IDUA: variants seen among roughly 807,000 people sequenced by gnomAD.
IDUA encodes iduronidase alpha-L-.
IDUA carries 65 observed loss-of-function variants against 68.9 expected under a neutral mutation model. The observed-to-expected ratio is 0.94, with a 90% CI of 0.77 to 1.16. The LOEUF is 1.16. Among genes scored for constraint, IDUA ranks in the 50% most tolerant of loss-of-function variants. The pLI, the probability that IDUA is intolerant of heterozygous loss-of-function variation, is 0.00. For synonymous variants in IDUA, 529 were observed against 433.6 expected, an observed-to-expected ratio of 1.22 and a Z score of -2.73; for missense variants, 1,046 against 938.0, an observed-to-expected ratio of 1.12 and a Z score of -1.50.
intron 4 of IDUA, 103 bp downstream of exon 4, chr4:1,001,092 T>G: frequency 1.2e-6 from 1 of 817,350 alleles, no homozygotes; most frequent in Non-Finnish European, 2.1e-6. Flanking sequence ...GATACATTGG[T>G]GGGCAGGCGC....
At chr4:992,018 A>T in intron 2 of IDUA, 1 of 625,896 alleles carries the variant, frequency 1.6e-6, no homozygotes, top group Non-Finnish European at 3.0e-6. Flanking sequence ...GCGTGGCGGC[A>T]CCCTGTCCAG....
At chr4:1,001,170 G>T in intron 4 of IDUA, 181 bp downstream of exon 4, 1 of 630,354 alleles carries the variant, frequency 1.6e-6, no homozygotes, top group Non-Finnish European at 2.8e-6. Flanking sequence ...TGGGGCCCCA[G>T]GCTGGGGGGT....
rs957531360 is a variant in IDUA, at chr4:1,001,113, G to A, written c.493+124G>A. The A allele has an allele frequency of 6.1e-5, 44 of 723,364 alleles. 1 individual carries two copies. In the African/African-American group the frequency reaches 6.9e-4, roughly 11 times the overall value. 44.8% of individuals were successfully genotyped at this position (723,364 alleles called of 1,614,324 possible). ...TTGGTGGGCAGGCGCAGGCCCTTGT[G>A]GGGGGATGGGGGTGACAAGGGATAG... is the stretch of plus-strand genomic sequence containing the variant. On this transcript the variant is annotated intron_variant, in intron 4 of 13. Transcript: ENST00000514224.
At chr4:1,002,200 T>G (rs1437451362) in intron 7 of IDUA, 39 bp downstream of exon 7, 2 of 1,567,192 alleles carry the variant, frequency 1.3e-6, no homozygotes, top group Non-Finnish European at 1.7e-6. Flanking sequence ...CCCGGCCACC[T>G]TCCTCCCGAG....
rs546595104 is a variant in IDUA at position 990,085 on chromosome 4, C to T, written c.299+2136C>T. 19 of 1,598,578 alleles carry T rather than the reference C, an allele frequency of 1.2e-5. No homozygotes were observed. Among genetic ancestry groups the T allele is most frequent in the South Asian group, 3.4e-5 (3 of 88,760 alleles). On this transcript the variant is annotated intron_variant, in intron 2 of 13. Coordinates refer to ENST00000514224, the MANE Select transcript of IDUA (RefSeq NM_000203.5). ...GGGCAGCGGCACCCTCAGGCGGTGTCGGTAGCGGTCTGAGAGCTCCTTCGC... is the reference window on the plus strand; with the variant it reads ...GGGCAGCGGCACCCTCAGGCGGTGTTGGTAGCGGTCTGAGAGCTCCTTCGC...
chr4:996,576 C>T (rs1714755126), intron 2 of IDUA, among the ~76,000 whole-genome samples: 1 of 152,204 alleles, frequency 6.6e-6, no homozygotes, highest in Non-Finnish European at 1.5e-5. Context: ...AGTTCAGGAA[C>T]AGCCTCAGCC....
In IDUA at chr4:1,003,301, C is replaced by G. The variant is rs998853539; in HGVS notation, c.1525-44C>G. ...TCGCCCTGAGGTCGGGCCGAGCGTC[C>G]CCAGCTCCCCTGGAGAACCCTGAGG... is the stretch of plus-strand genomic sequence containing the variant. On this transcript the variant is annotated intron_variant, in intron 10 of 13. Coordinates refer to ENST00000514224, the MANE Select transcript of IDUA (RefSeq NM_000203.5). The G allele has an allele frequency of 7.8e-6, 11 of 1,401,728 alleles. No homozygotes were observed. The Admixed American group carries it at 1.0e-4, about 13-fold the overall frequency. The allele number at this position is 1,401,728 out of a possible 1,614,324, so 86.8% of individuals were successfully genotyped here. A position where few individuals can be genotyped will look rare whatever the true frequency, so the allele number is the denominator to read the frequency against.
chr4:988,049 C>T, intron 2 of IDUA, 100 bp downstream of exon 2: 5 of 1,478,282 alleles, frequency 3.4e-6, no homozygotes, highest in Admixed American at 2.1e-5. Context: ...TGTTCCCCCA[C>T]CTCCCGCCGA....
At chr4:999,021 G>C (rs758599321) in intron 2 of IDUA, among the ~76,000 whole-genome samples, 95 of 152,092 alleles carry the variant, frequency 6.2e-4, no homozygotes, top group Non-Finnish European at 1.2e-3. Context: ...TGGCTAACAT[G>C]GTGAAACTCC....
chr4:1,003,298 G>T, intron 10 of IDUA, 47 bp from the exon 11 acceptor site: 1 of 1,391,624 alleles, frequency 7.2e-7, no homozygotes. Flanking sequence ...CGGGCCGAGC[G>T]TCCCCAGCTC....
intron 2 of IDUA, among the ~76,000 whole-genome samples, chr4:995,710 G>A (rs1053447528): frequency 2.6e-5 from 4 of 152,250 alleles, no homozygotes; most frequent in Non-Finnish European, 4.4e-5. Context: ...ATGGGGCACA[G>A]CCCCGGAGGG....
intron 2 of IDUA, among the ~76,000 whole-genome samples, chr4:997,320 T>A (rs1577532206): frequency 3.4e-5 from 3 of 87,802 alleles, no homozygotes; most frequent in East Asian, 6.1e-4. Flanking sequence ...GGGCCCGGCC[T>A]CCGCCCCTGC....
intron 1 of IDUA, 101 bp downstream of exon 1, chr4:987,343 C>A (rs1713812766): frequency 2.6e-6 from 3 of 1,154,740 alleles, no homozygotes; most frequent in South Asian, 1.4e-5. Flanking sequence ...GAGCTCCCTC[C>A]TCTGGGGCCC....
rs748579220 is a variant in IDUA at position 1,004,069 on chromosome 4, C to T, written c.1785C>T (p.Val595=). 1.1e-5 allele frequency: 17 copies of T among 1,612,602 alleles called. No individual in the cohort carries two copies. Among genetic ancestry groups the T allele is most frequent in the Non-Finnish European group, 1.4e-5 (16 of 1,179,814 alleles). Residue 595 remains valine (V), a synonymous_variant, in exon 13 of 14, where the codon GTC becomes GTT. Transcript: ENST00000514224. The surrounding 1 kb of genome is among the most constrained non-coding windows in gnomAD (Gnocchi z 5.0). The stretch of plus-strand genomic sequence containing the variant: ...AGGACGGTAAGGCGTACACCCCGGT[C>T]AGCAGGAAGCCATCGACCTTCAACC... ...FSQDGKAYTP[V]SRKPSTFNLF...
Position 995,913 on chromosome 4 carries a change from G to T in IDUA, c.300-4699G>T, listed in dbSNP as rs554223330. ...GGAGACATCCTAAGTGTGAGATGTG[G>T]ACAGGGCTGAATGCTCCAGGGTCTC... On this transcript the variant is annotated intron_variant, in intron 2 of 13. Transcript: ENST00000514224. 3.4e-4 allele frequency among the ~76,000 whole-genome samples: 52 copies of T among 152,108 alleles called. 1 individual carries two copies. Among genetic ancestry groups the T allele is most frequent in the African/African-American group, 1.1e-3 (47 of 41,546 alleles).
chr4:995,429 C>G (rs1447158446), intron 2 of IDUA, among the ~76,000 whole-genome samples: 2 of 152,110 alleles, frequency 1.3e-5, no homozygotes, highest in Non-Finnish European at 2.9e-5. Context: ...GGAGCCTGCA[C>G]GGGGCACCTG....
chr4:992,499 T>C (rs1714442934), intron 2 of IDUA, among the ~76,000 whole-genome samples: 1 of 152,206 alleles, frequency 6.6e-6, no homozygotes. Context: ...TCTGAGAATA[T>C]GCCTGGACGG....
At position 987,129 on chromosome 4, in the gene IDUA, C is replaced by T; in HGVS notation, c.45C>T (p.Ala15=). 1 of 1,439,158 alleles carries T rather than the reference C, an allele frequency of 6.9e-7. No homozygotes were observed. Among genetic ancestry groups the T allele is most frequent in the Non-Finnish European group, 9.1e-7 (1 of 1,101,008 alleles). The allele number at this position is 1,439,158 out of a possible 1,614,324, so 89.1% of individuals were successfully genotyped here. ...GCGCCGCGCTGCTGGCGCTCCTGGC[C>T]TCGCTCCTGGCCGCGCCCCCGGTGG... ...RPRAALLALL[A]SLLAAPPVAP... is the part of the protein sequence containing the mutation. Residue 15 remains alanine (A), a synonymous_variant, in exon 1 of 14, where the codon GCC becomes GCT. Transcript: ENST00000514224.
At chr4:988,027 CG>C (rs1242134702) in intron 2 of IDUA, 78 bp downstream of exon 2, 1 of 1,495,396 alleles carries the variant, frequency 6.7e-7, no homozygotes, top group Non-Finnish European at 8.9e-7. Flanking sequence ...GGGGGCTGCT[CG>C]GAAGACCCCT....
Sources: gnomAD v4.1 joint callset for allele counts (sites outside exome capture counted in the v4.1 genomes callset) on GRCh38, gnomAD v4.1.1 for gene constraint, Gnocchi (gnomAD v3.1) non-coding constraint, MANE v1.5 for transcripts, NCBI Gene and HGNC (gene_info 2026-07-23, HGNC 2026-07-21) for gene names.